Variants in PPP2R5E observed in about 807,000 individuals in gnomAD.
PPP2R5E encodes the protein serine/threonine-protein phosphatase 2A 56 kDa regulatory subunit epsilon isoform.
In PPP2R5E, 4 loss-of-function variants were observed where a neutral mutation model predicts 65.3. That is an observed-to-expected ratio of 0.06 (90% CI 0.03 to 0.14). The LOEUF (loss-of-function observed/expected upper bound fraction) is 0.14, where lower values mean the gene tolerates loss of function less well. Ranked by LOEUF, PPP2R5E falls within the 10% of genes least tolerant of loss-of-function variation. The probability of loss-of-function intolerance (pLI) is 1.00; values close to 1 mark genes in which losing one functional copy is unlikely to be tolerated. For missense variants in PPP2R5E, 274 were observed against 556.1 expected (o/e 0.49, Z 5.10); for synonymous variants, 183 against 187.4 (o/e 0.98, Z 0.19).
rs182132150 is a variant in PPP2R5E, at chr14:63,371,415, C to T, written c.*4594G>A. 5.9e-5 allele frequency: 9 copies of T among 152,312 alleles called. No homozygotes were observed. The highest frequency in any genetic ancestry group is 1.2e-4 in the Non-Finnish European group (8 of 68,018). 9.4% of individuals were successfully genotyped at this position (152,312 alleles called of 1,614,324 possible). A position where few individuals can be genotyped will look rare whatever the true frequency, so the allele number is the denominator to read the frequency against. Reference sequence around the variant, plus strand: ...TGCACCCACAGTACAGAACCTCTCACACATCTGTGAAAGGGGAAGGTTACA... The same window carrying T: ...TGCACCCACAGTACAGAACCTCTCATACATCTGTGAAAGGGGAAGGTTACA... On this transcript the variant is annotated 3_prime_UTR_variant, in exon 14 of 14. Coordinates refer to ENST00000337537, the MANE Select transcript of PPP2R5E (RefSeq NM_006246.5).
At chr14:63,423,338 C>T (rs1248748500) in intron 3 of PPP2R5E, among the ~76,000 whole-genome samples, 2 of 152,184 alleles carry the variant, frequency 1.3e-5, no homozygotes, top group Non-Finnish European at 2.9e-5. Flanking sequence ...CTCAAGTGAC[C>T]TGCCCACTTC....
chr14:63,451,884 C>T (rs1380268861), intron 3 of PPP2R5E: 1 of 151,868 alleles, frequency 6.6e-6, no homozygotes, highest in Non-Finnish European at 1.5e-5. Flanking sequence ...TAAAACTGCT[C>T]TTAAAAAATT....
chr14:63,527,590 T>C (rs575579116), intron 2 of PPP2R5E, among the ~76,000 whole-genome samples: 1 of 152,336 alleles, frequency 6.6e-6, no homozygotes, highest in South Asian at 2.1e-4. Context: ...GACTCTATGA[T>C]ATGGCTTCTA....
chr14:63,510,673 T>A (rs112607425), intron 2 of PPP2R5E, among the ~76,000 whole-genome samples: 1,611 of 151,896 alleles, frequency 0.011, 21 homozygotes, highest in South Asian at 0.073. Context: ...AAGGAGGGAG[T>A]GTGGCTAAAA....
intron 3 of PPP2R5E, among the ~76,000 whole-genome samples, chr14:63,446,570 C>G (rs1194438616): frequency 1.3e-4 from 20 of 152,118 alleles, no homozygotes; most frequent in Non-Finnish European, 2.9e-4. Context: ...TGGCTCACGC[C>G]TGTAATTCCA....
chr14:63,430,545 T>C (rs1377859050), intron 3 of PPP2R5E, among the ~76,000 whole-genome samples: 1 of 152,204 alleles, frequency 6.6e-6, no homozygotes, highest in Non-Finnish European at 1.5e-5. Flanking sequence ...ATTTAAGAGT[T>C]GTTAATGGTC....
In PPP2R5E at chr14:63,371,464, T is replaced by C. The variant is rs2139710194; in HGVS notation, c.*4545A>G. The stretch of plus-strand genomic sequence containing the variant: ...CATTTCTTTTTGGGGAGCACCTTCA[T>C]TTTTGTTTCTGTTACCACTTTGAAG... On this transcript the variant is annotated 3_prime_UTR_variant, in exon 14 of 14. Coordinates refer to ENST00000337537, the MANE Select transcript of PPP2R5E (RefSeq NM_006246.5). 6.6e-6 allele frequency: 1 copy of C among 152,348 alleles called. No individual in the cohort carries two copies. Among genetic ancestry groups the C allele is most frequent in the East Asian group, 1.9e-4 (1 of 5,188 alleles). The allele number at this position is 152,348 out of a possible 1,614,324, so 9.4% of individuals were successfully genotyped here.
At chr14:63,517,493 TTTA>T (rs1456885070) in intron 2 of PPP2R5E, among the ~76,000 whole-genome samples, 1 of 152,208 alleles carries the variant, frequency 6.6e-6, no homozygotes, top group Non-Finnish European at 1.5e-5. Context: ...CAGTCCTTTA[TTTA>T]TTTTGTTAGA....
At position 63,416,088 on chromosome 14, in the gene PPP2R5E, G is replaced by A. The variant is rs375020222; in HGVS notation, c.457-856C>T. Among the ~76,000 whole-genome samples, 6 of 152,180 alleles carry A rather than the reference G, an allele frequency of 3.9e-5. No individual in the cohort carries two copies. In the South Asian group the frequency reaches 6.2e-4, roughly 16 times the overall value. On this transcript the variant is annotated intron_variant, in intron 4 of 13. Transcript: ENST00000337537. ...CTGATAAACAGTGGGGAATCACTGC[G>A]TATTCTCTTTGCATAATAAGCCTAT...
At position 63,404,151 on chromosome 14, in the gene PPP2R5E, A is replaced by G. The variant is rs551423770; in HGVS notation, c.550-7435T>C. ...ATTTTTCATTAAAAATCATATAAAC[A>G]TATTGGAATTTTAAAAGTAGGCATT... On this transcript the variant is annotated intron_variant, in intron 5 of 13. Transcript: ENST00000337537. 3.3e-5 allele frequency among the ~76,000 whole-genome samples: 5 copies of G among 152,306 alleles called. No homozygotes were observed. In the East Asian group the frequency reaches 9.6e-4, roughly 29 times the overall value.
chr14:63,469,421 G>A (rs535624269), intron 2 of PPP2R5E, among the ~76,000 whole-genome samples: 11 of 152,310 alleles, frequency 7.2e-5, no homozygotes, highest in East Asian at 3.9e-4. Context: ...GGCCGGGCGC[G>A]GTGGCTCACG....
At chr14:63,503,581 AAACACCACATTTATATCACAT>A in intron 2 of PPP2R5E, among the ~76,000 whole-genome samples, 1 of 152,176 alleles carries the variant, frequency 6.6e-6, no homozygotes, top group South Asian at 2.1e-4. Context: ...TAAGGGCAAA[AAACACCACATTTATATCACAT>A]GTTAACACTG....
intron 2 of PPP2R5E, among the ~76,000 whole-genome samples, chr14:63,528,245 G>GT (rs751078532): frequency 2.6e-5 from 4 of 152,140 alleles, no homozygotes; most frequent in Non-Finnish European, 5.9e-5. Flanking sequence ...ATTATAAAAT[G>GT]TAAGTTTTAC....
intron 5 of PPP2R5E, among the ~76,000 whole-genome samples, chr14:63,410,337 A>G (rs1886327149): frequency 6.6e-6 from 1 of 152,206 alleles, no homozygotes; most frequent in Admixed American, 6.5e-5. Context: ...CACTAGGAAC[A>G]GGTGGCACCA....
intron 2 of PPP2R5E, among the ~76,000 whole-genome samples, chr14:63,492,701 C>T (rs1000744302): frequency 1.3e-5 from 2 of 152,108 alleles, no homozygotes; most frequent in African/African-American, 4.8e-5. Flanking sequence ...CATAGGTTCT[C>T]CTTGATCATC....
At chr14:63,447,037 T>C (rs923214218) in intron 3 of PPP2R5E, among the ~76,000 whole-genome samples, 9 of 152,144 alleles carry the variant, frequency 5.9e-5, no homozygotes, top group African/African-American at 2.2e-4. Context: ...TCATCTAGGC[T>C]TTGCTGTTCC....
At chr14:63,424,498 T>G (rs1283876630) in intron 3 of PPP2R5E, among the ~76,000 whole-genome samples, 1 of 152,076 alleles carries the variant, frequency 6.6e-6, no homozygotes, top group African/African-American at 2.4e-5. Context: ...ACGCCTGTAA[T>G]CCCAGCACTT....
intron 5 of PPP2R5E, among the ~76,000 whole-genome samples, chr14:63,413,990 G>C (rs1886551782): frequency 1.3e-5 from 2 of 152,148 alleles, no homozygotes; most frequent in Admixed American, 6.6e-5. Context: ...GCTCCTTTCA[G>C]CTCTGAGCTG....
chr14:63,465,239 A>G (rs1257207111), intron 2 of PPP2R5E, among the ~76,000 whole-genome samples: 4 of 152,060 alleles, frequency 2.6e-5, no homozygotes, highest in Non-Finnish European at 5.9e-5. Flanking sequence ...GTGCAGAAAT[A>G]CTTATATTTG....
Sources: allele counts gnomAD v4.1 joint callset (sites outside exome capture counted in the v4.1 genomes callset), GRCh38; gene constraint gnomAD v4.1.1; transcripts MANE v1.5; gene names NCBI Gene and HGNC (gene_info 2026-07-23, HGNC 2026-07-21).